The following NCALD variants were observed in gnomAD, a reference collection of about 807,000 sequenced individuals.
NCALD encodes neurocalcin delta, also known as neurocalcin-delta.
NCALD carries 10 observed loss-of-function variants against 18.6 expected under a neutral mutation model. The observed-to-expected ratio is 0.54, with a 90% CI of 0.33 to 0.91. NCALD has a LOEUF of 0.91. Ranked by LOEUF, NCALD falls within the 40% of genes least tolerant of loss-of-function variation. The probability of loss-of-function intolerance (pLI) is 0.03; values close to 1 mark genes in which losing one functional copy is unlikely to be tolerated. For synonymous variants in NCALD, 88 were observed against 87.4 expected (o/e 1.01, Z -0.04); for missense variants, 184 against 247.6 (o/e 0.74, Z 1.72).
rs982441669 is a variant in NCALD, at chr8:101,689,877, C to A, written c.485-471G>T. ...TCTGAGCCACTTCGTGTTCTTCAGGCCACTCTGTGTTCTTAGGTTTGCTGC... is the reference window on the plus strand; with the variant it reads ...TCTGAGCCACTTCGTGTTCTTCAGGACACTCTGTGTTCTTAGGTTTGCTGC... On this transcript the variant is annotated intron_variant, in intron 3 of 3. Transcript: ENST00000220931. This position sits in a 1 kb window ranked among gnomAD's most constrained non-coding sequence, Gnocchi z 4.4. Among the ~76,000 whole-genome samples the A allele has an allele frequency of 6.6e-6, 1 of 152,212 alleles. No individual in the cohort carries two copies. Among genetic ancestry groups the A allele is most frequent in the African/African-American group, 2.4e-5 (1 of 41,460 alleles).
chr8:101,727,256 T>C (rs1378527994), intron 1 of NCALD, among the ~76,000 whole-genome samples: 2 of 152,244 alleles, frequency 1.3e-5, no homozygotes, highest in African/African-American at 2.4e-5. Context: ...AGCAAGCTGT[T>C]GGATCTGCAT....
chr8:101,737,232 C>T (rs930295606), intron 1 of NCALD, among the ~76,000 whole-genome samples: 1 of 152,054 alleles, frequency 6.6e-6, no homozygotes, highest in Non-Finnish European at 1.5e-5. Context: ...AACTGGCATG[C>T]ACCACCACAC....
At chr8:101,820,284 T>C (rs1029828185) in intron 4 of NCALD, among the ~76,000 whole-genome samples, 1 of 152,228 alleles carries the variant, frequency 6.6e-6, no homozygotes, top group African/African-American at 2.4e-5. Context: ...TTGCCTATTT[T>C]GTTCACTATG....
At chr8:101,791,465 T>G (rs1021730847), upstream of NCALD, among the ~76,000 whole-genome samples, 7 of 151,984 alleles carry the variant, frequency 4.6e-5, no homozygotes, top group Admixed American at 6.6e-5. Flanking sequence ...TGGAAGAAAA[T>G]GTATTTTAAA....
intron 4 of NCALD, among the ~76,000 whole-genome samples, chr8:101,833,653 C>T (rs1433091444): frequency 9.3e-6 from 1 of 108,106 alleles, no homozygotes; most frequent in East Asian, 2.7e-4. Flanking sequence ...TTTGTTAGCT[C>T]AGGACAATTC....
Position 101,907,388 on chromosome 8 carries a change from C to G in NCALD, c.-107+8421G>C, listed in dbSNP as rs538837088. ...TTTGAAACATGTAGAAACTCTTGTG[C>G]CATACTCTCTAGAGCCACTTCTTAA... On this transcript the variant is annotated intron_variant, in intron 3 of 6. Coordinates refer to the NCALD transcript ENST00000311028. 2.2e-3 allele frequency among the ~76,000 whole-genome samples: 331 copies of G among 151,998 alleles called. 3 individuals carry two copies. The highest frequency in any genetic ancestry group is 7.1e-3 in the African/African-American group (296 of 41,462).
At chr8:101,902,518 T>C (rs552362396) in intron 3 of NCALD, among the ~76,000 whole-genome samples, 2 of 152,126 alleles carry the variant, frequency 1.3e-5, no homozygotes, top group Non-Finnish European at 2.9e-5. Context: ...TGCCCTAGAG[T>C]TCCTCTACAG....
chr8:101,690,599 A>G lies in NCALD; in HGVS notation c.485-1193T>C, dbSNP rs1045190887. The G allele has an allele frequency of 1.5e-4, 148 of 985,330 alleles. No individual in the cohort carries two copies. In the African/African-American group the frequency reaches 2.4e-3, roughly 16 times the overall value. The allele number at this position is 985,330 out of a possible 1,614,324, so 61.0% of individuals were successfully genotyped here. A position where few individuals can be genotyped will look rare whatever the true frequency, so the allele number is the denominator to read the frequency against. On this transcript the variant is annotated intron_variant, in intron 3 of 3. Coordinates refer to ENST00000220931, the MANE Select transcript of NCALD (RefSeq NM_032041.3). ...TCCCCCAACAGAAACACCAACAAAC[A>G]TATCTTCTCCTCAGCCACAACTCCC...
intron 1 of NCALD, among the ~76,000 whole-genome samples, chr8:102,104,987 G>A (rs1303442174): frequency 6.6e-6 from 1 of 152,186 alleles, no homozygotes; most frequent in East Asian, 1.9e-4. Context: ...GATAAGCCTG[G>A]AGCTTCTGAT....
intron 4 of NCALD, among the ~76,000 whole-genome samples, chr8:101,810,490 C>T (rs141849447): frequency 1.3e-5 from 2 of 152,218 alleles, no homozygotes; most frequent in East Asian, 3.9e-4. Context: ...GATTTTTCTG[C>T]TTCCACTCAA....
At chr8:101,927,024 C>T (rs1436604129) in intron 2 of NCALD, among the ~76,000 whole-genome samples, 1 of 152,112 alleles carries the variant, frequency 6.6e-6, no homozygotes, top group Non-Finnish European at 1.5e-5. Context: ...AGACACTGGC[C>T]CTGTTCTCCC....
At chr8:101,968,574 G>A (rs200496866) in intron 2 of NCALD, among the ~76,000 whole-genome samples, 3 of 152,122 alleles carry the variant, frequency 2.0e-5, no homozygotes, top group East Asian at 1.9e-4. Flanking sequence ...GGGTCACAAT[G>A]CTTCCTGACT....
intron 2 of NCALD, among the ~76,000 whole-genome samples, chr8:101,933,771 T>G (rs1467611518): frequency 6.6e-6 from 1 of 152,092 alleles, no homozygotes; most frequent in Non-Finnish European, 1.5e-5. Context: ...CTCTGTGCCA[T>G]GAGGACAAGA....
chr8:102,076,389 C>T (rs2132314441), intron 1 of NCALD, among the ~76,000 whole-genome samples: 1 of 152,264 alleles, frequency 6.6e-6, no homozygotes, highest in Admixed American at 6.5e-5. Context: ...GATGCTGAAC[C>T]ACCTGCCTGT....
rs531417911 is a variant in NCALD, at chr8:101,857,347, C to T, written c.-20+29794G>A. 1.2e-4 allele frequency among the ~76,000 whole-genome samples: 19 copies of T among 152,282 alleles called. No individual in the cohort carries two copies. In the South Asian group the frequency reaches 3.9e-3, roughly 32 times the overall value. ...CATGAATTTCCAGCATGGCTCCTAT[C>T]CCAAACACAGTCTAATACTGACACA... is the stretch of plus-strand genomic sequence containing the variant. On this transcript the variant is annotated intron_variant, in intron 4 of 6. Transcript: ENST00000311028.
intron 2 of NCALD, among the ~76,000 whole-genome samples, chr8:102,000,179 T>C (rs983531612): frequency 1.3e-5 from 2 of 152,226 alleles, no homozygotes; most frequent in East Asian, 1.9e-4. Context: ...CCCACCCTAA[T>C]ACTGCGCTTT....
rs200796006 is a variant in NCALD, at chr8:101,719,274, G to A, written c.356C>T (p.Ala119Val). 6.2e-7 allele frequency: 1 copy of A among 1,613,966 alleles called. No homozygotes were observed. The highest frequency in any genetic ancestry group is 1.7e-5 in the Admixed American group (1 of 60,006). Residue 119 changes from alanine (A) to valine (V), a missense_variant, in exon 2 of 4, where the codon GCA (alanine) becomes GTA (valine). Physicochemically the swap from Ala to Val is moderately conservative, Grantham distance 64. Coordinates refer to ENST00000220931, the MANE Select transcript of NCALD (RefSeq NM_032041.3). ...TACCTGCACGATCTCTAGCATCTCTGCCTTGCTGATATAGCCATTTCCGTC... is the reference window on the plus strand; with the variant it reads ...TACCTGCACGATCTCTAGCATCTCTACCTTGCTGATATAGCCATTTCCGTC... ...DLDGNGYISK[A>V]EMLEIVQAIY...
At chr8:102,121,617 C>T (rs1034673263) in intron 1 of NCALD, among the ~76,000 whole-genome samples, 1 of 152,176 alleles carries the variant, frequency 6.6e-6, no homozygotes, top group African/African-American at 2.4e-5. Context: ...CTGCACAACC[C>T]TTTCAAAAAA....
chr8:102,056,061 C>T (rs907708148), intron 1 of NCALD, among the ~76,000 whole-genome samples: 9 of 152,104 alleles, frequency 5.9e-5, no homozygotes, highest in Admixed American at 1.3e-4. Context: ...GAGGTCAGCC[C>T]GCCAGATTCA....
Sources: gnomAD v4.1 joint callset for allele counts (sites outside exome capture counted in the v4.1 genomes callset) on GRCh38, gnomAD v4.1.1 for gene constraint, Gnocchi (gnomAD v3.1) non-coding constraint, MANE v1.5 for transcripts, NCBI Gene and HGNC (gene_info 2026-07-23, HGNC 2026-07-21) for gene names.